Variants in ABCC8 observed in about 807,000 individuals in gnomAD.
The protein encoded by ABCC8 is ATP-binding cassette sub-family C member 8.
A neutral mutation model predicts 188.0 loss-of-function variants in ABCC8; 137 were observed. The ratio of observed to expected loss-of-function variants is 0.73; its 90% CI spans 0.63 to 0.84. The LOEUF (loss-of-function observed/expected upper bound fraction) is 0.84, where lower values mean the gene tolerates loss of function less well. ABCC8 is among the 40% of genes least tolerant of loss of function. ABCC8 has a pLI of 0.00. For synonymous variants in ABCC8, 797 were observed against 846.5 expected (o/e 0.94, Z 1.01); for missense variants, 1,750 against 2,072.7 (o/e 0.84, Z 3.02).
intron 12 of ABCC8, chr11:17,430,570 C>A: frequency 3.9e-6 from 2 of 512,162 alleles, no homozygotes; most frequent in South Asian, 2.2e-5. Context: ...TTTAAGTTGT[C>A]GTGAAAGTGA....
chr11:17,412,271 A>G (rs1383562869), intron 21 of ABCC8, among the ~76,000 whole-genome samples: 6 of 152,222 alleles, frequency 3.9e-5, no homozygotes, highest in Non-Finnish European at 1.5e-5. Context: ...GTTAAGTTCC[A>G]TGGGAAATAA....
At chr11:17,460,224 C>T (rs772234739) in intron 6 of ABCC8, among the ~76,000 whole-genome samples, 12 of 152,228 alleles carry the variant, frequency 7.9e-5, no homozygotes, top group Non-Finnish European at 1.3e-4. Flanking sequence ...CTGCAGTTTT[C>T]GGACTGACCT....
intron 26 of ABCC8, 147 bp from the exon 27 acceptor site, chr11:17,405,710 G>A (rs1591740640): frequency 1.4e-6 from 2 of 1,480,934 alleles, no homozygotes; most frequent in East Asian, 2.5e-5. Flanking sequence ...CATCTGGCCT[G>A]TATCCCCGTG....
At chr11:17,396,656 G>A (rs1413051979) in intron 33 of ABCC8, 1 of 523,264 alleles carries the variant, frequency 1.9e-6, no homozygotes, top group Non-Finnish European at 3.4e-6. Flanking sequence ...AAGCCCGTGT[G>A]AGCTGGGGGA....
chr11:17,399,287 A>C (rs1374437524), intron 29 of ABCC8, among the ~76,000 whole-genome samples: 2 of 93,060 alleles, frequency 2.1e-5, no homozygotes, highest in Non-Finnish European at 5.2e-5. Context: ...AAAAAAAAAA[A>C]AAAAAAAAAA....
At chr11:17,410,252 A>G (rs576183132) in intron 22 of ABCC8, 2 of 475,370 alleles carry the variant, frequency 4.2e-6, no homozygotes, top group East Asian at 7.0e-5. Context: ...ATTATTCCTG[A>G]GACTTCTTGG....
chr11:17,413,071 A>G, intron 20 of ABCC8: 1 of 602,440 alleles, frequency 1.7e-6, no homozygotes, highest in African/African-American at 1.9e-5. Context: ...AAGCTTGTGG[A>G]GGGGACCCCA....
chr11:17,454,766 G>A (rs750787903), intron 6 of ABCC8, among the ~76,000 whole-genome samples: 1 of 152,186 alleles, frequency 6.6e-6, no homozygotes, highest in Non-Finnish European at 1.5e-5. Context: ...TCACATGCTG[G>A]TAAGGGGACA....
intron 10 of ABCC8, chr11:17,435,940 C>G: frequency 6.4e-7 from 1 of 1,558,182 alleles, no homozygotes; most frequent in Non-Finnish European, 8.8e-7. Flanking sequence ...AAGAGAGACC[C>G]CTGCACTCAA....
At chr11:17,463,296 C>T in intron 4 of ABCC8, 142 bp downstream of exon 4, 1 of 720,692 alleles carries the variant, frequency 1.4e-6, no homozygotes, top group Non-Finnish European at 2.3e-6. Context: ...GCCACGGCCC[C>T]ACTCCCCTTT....
At position 17,406,975 on chromosome 11, in the gene ABCC8, G is replaced by A; in HGVS notation, c.3075C>T (p.Val1025=). The change falls in exon 25 of 39, where the codon GTC becomes GTT. Residue 1025 remains valine (V), a synonymous_variant. Transcript: ENST00000389817. ...LVFSQLLKHM[V]LVAIDYWLAK... is the part of the protein sequence containing the mutation. Reference sequence around the variant, plus strand: ...CCAGCCAGTAGTCGATGGCCACCAGGACCATGTGCTTGAGCAGCTGTGAGA... The same window carrying A: ...CCAGCCAGTAGTCGATGGCCACCAGAACCATGTGCTTGAGCAGCTGTGAGA... 6.2e-7 allele frequency: 1 copy of A among 1,614,208 alleles called. No individual in the cohort carries two copies. Among genetic ancestry groups the A allele is most frequent in the Non-Finnish European group, 8.5e-7 (1 of 1,180,046 alleles).
intron 8 of ABCC8, among the ~76,000 whole-genome samples, chr11:17,446,603 T>C (rs1956540195): frequency 6.6e-6 from 1 of 152,168 alleles, no homozygotes; most frequent in South Asian, 2.1e-4. Flanking sequence ...CATAAAAGGT[T>C]GGTTGGTAAC....
At chr11:17,438,941 G>A (rs367598038) in intron 10 of ABCC8, among the ~76,000 whole-genome samples, 1 of 152,184 alleles carries the variant, frequency 6.6e-6, no homozygotes. Context: ...GTGCAATCAC[G>A]CTTGCTAGGC....
At chr11:17,432,981 C>G (rs2133557318) in intron 10 of ABCC8, among the ~76,000 whole-genome samples, 1 of 152,290 alleles carries the variant, frequency 6.6e-6, no homozygotes, top group African/African-American at 2.4e-5. Flanking sequence ...TTTTTGTAAA[C>G]TTATAAATAC....
In ABCC8 at chr11:17,406,933, G is replaced by A. The variant is rs199723884; in HGVS notation, c.3117C>T (p.Ser1039=). ...IDYWLAKWTD[S]ALTLTPAARN... ...TGGCTGCAGGGGTCAGGGTCAGGGC[G>A]CTGTCGGTCCACTTGGCCAGCCAGT... Residue 1039 remains serine (S), a synonymous_variant, in exon 25 of 39, where the codon AGC becomes AGT. Transcript: ENST00000389817. 11 of 1,614,090 alleles carry A rather than the reference G, an allele frequency of 6.8e-6. No homozygotes were observed. The highest frequency in any genetic ancestry group is 4.5e-5 in the East Asian group (2 of 44,882).
chr11:17,445,006 A>G (rs1320245440), intron 8 of ABCC8, among the ~76,000 whole-genome samples: 1 of 152,222 alleles, frequency 6.6e-6, no homozygotes, highest in African/African-American at 2.4e-5. Context: ...AAAATAAATG[A>G]AAAAGCTTCC....
intron 3 of ABCC8, among the ~76,000 whole-genome samples, chr11:17,467,042 C>CCACACACACACACT (rs1848198101): frequency 7.6e-6 from 1 of 132,312 alleles, no homozygotes; most frequent in African/African-American, 2.9e-5. Context: ...ACATGTTAAA[C>CCACACACACACACT]CACACACACA....
Position 17,412,638 on chromosome 11 carries a change from C to T in ABCC8, c.2556+28G>A, listed in dbSNP as rs1199912966. 3 of 1,601,294 alleles carry T rather than the reference C, an allele frequency of 1.9e-6. No homozygotes were observed. In the East Asian group the frequency reaches 6.8e-5, roughly 36 times the overall value. On this transcript the variant is annotated intron_variant, in intron 21 of 38. Transcript: ENST00000389817. ...GTTAGGCCTGGGAGGCAGCCAGAGA[C>T]CAGGACCCCAAGGGAACTTGCACTC...
chr11:17,456,350 A>G (rs1215513892), intron 6 of ABCC8, among the ~76,000 whole-genome samples: 1 of 148,180 alleles, frequency 6.7e-6, no homozygotes, highest in East Asian at 1.9e-4. Flanking sequence ...GTGACTGCTG[A>G]GGAGAATAAA....
Sources: allele counts gnomAD v4.1 joint callset (sites outside exome capture counted in the v4.1 genomes callset), GRCh38; gene constraint gnomAD v4.1.1; transcripts MANE v1.5; gene names NCBI Gene and HGNC (gene_info 2026-07-23, HGNC 2026-07-21).